Variants in OR2F1 observed in about 807,000 individuals in gnomAD.
OR2F1 encodes olfactory receptor family 2 subfamily F member 1.
For missense variants in OR2F1, 389 were observed against 378.2 expected (o/e 1.03, Z -0.24); for synonymous variants, 146 against 155.3 (o/e 0.94, Z 0.44).
rs768626450 is a variant in OR2F1, at chr7:143,960,337, T to C, written c.367T>C (p.Tyr123His). The C allele has an allele frequency of 3.1e-6, 5 of 1,614,142 alleles. No homozygotes were observed. The highest frequency in any genetic ancestry group is 2.2e-5 in the East Asian group (1 of 44,870). Residue 123 changes from tyrosine to histidine, a missense_variant, in exon 3 of 3, where the codon TAT becomes CAT. Coordinates refer to ENST00000641412, the MANE Select transcript of OR2F1 (RefSeq NM_012369.3). ...CCTGGCGGTGATGGCCTATGACCGC[T>C]ATGTGGCTGTGTGTGATGCCCTGCG... ...VLLAVMAYDRYVAVCDALRYS... is the reference protein window; with the variant it reads ...VLLAVMAYDRHVAVCDALRYS...
rs767837167 is a variant in OR2F1 at position 143,960,006 on chromosome 7, T to C, written c.36T>C (p.Phe12=). The change falls in exon 3 of 3, where the codon TTT becomes TTC. Residue 12 remains phenylalanine, a synonymous_variant. Transcript: ENST00000641412. The part of the protein sequence containing the change: ...GTDNQTWVSE[F]ILLGLSSDWD... ...ATAACCAGACTTGGGTGAGTGAATT[T>C]ATTCTCCTCGGCCTGTCCAGTGACT... 8 of 1,612,246 alleles carry C rather than the reference T, an allele frequency of 5.0e-6. No individual in the cohort carries two copies. The highest frequency in any genetic ancestry group is 1.3e-5 in the African/African-American group (1 of 74,852).
rs1586838612 is a variant in OR2F1, at chr7:143,960,806, C to A, written c.836C>A (p.Ala279Asp). 9 of 1,614,096 alleles carry A rather than the reference C, an allele frequency of 5.6e-6. No individual in the cohort carries two copies. In the Admixed American group the frequency reaches 1.0e-4, roughly 18 times the overall value. The part of the protein sequence containing the change: ...LQEKLFSVFY[A>D]ILTPMLNPMI... ...GAGAAGTTGTTCTCTGTCTTTTATG[C>A]CATTTTAACACCAATGCTGAACCCC... Residue 279 changes from alanine (A) to aspartate (D), a missense_variant, in exon 3 of 3, where the codon GCC becomes GAC. Ala to Asp is a moderately radical substitution (Grantham distance 126, BLOSUM62 -2). Transcript: ENST00000641412.
rs760156938 is a variant in OR2F1 at position 143,960,562 on chromosome 7, A to G, written c.592A>G (p.Thr198Ala). The change falls in exon 3 of 3, where the codon ACC becomes GCC. Residue 198 changes from threonine (T) to alanine (A), a missense_variant. Physicochemically the swap from Thr to Ala is moderately conservative, Grantham distance 58 (BLOSUM62 0). Coordinates refer to ENST00000641412, the MANE Select transcript of OR2F1 (RefSeq NM_012369.3). ...TGTGGACACCTCCTCCAATGAGGTC[A>G]CCATCATGGTGTCTAGCATTGTTCT... Reference protein sequence around the residue: ...ACVDTSSNEVTIMVSSIVLLM... With the variant: ...ACVDTSSNEVAIMVSSIVLLM... 9.9e-6 allele frequency: 16 copies of G among 1,614,066 alleles called. No homozygotes were observed. The highest frequency in any genetic ancestry group is 1.6e-4 in the Middle Eastern group (1 of 6,080).
rs1477460927 is a variant in OR2F1 at position 143,962,918 on chromosome 7, C to T, written c.*1994C>T. 1 of 152,184 alleles carries T rather than the reference C, an allele frequency of 6.6e-6. No homozygotes were observed. The highest frequency in any genetic ancestry group is 2.4e-5 in the African/African-American group (1 of 41,454). 9.4% of individuals were successfully genotyped at this position (152,184 alleles called of 1,614,324 possible). A position where few individuals can be genotyped will look rare whatever the true frequency, so the allele number is the denominator to read the frequency against. On this transcript the variant is annotated 3_prime_UTR_variant, in exon 3 of 3. Transcript: ENST00000641412. ...AGAGGCAAGATGACCAGCCTGTCTG[C>T]TGGGTCTGCTTCAGTAATACTCTTG...
rs2050348245 is a variant in OR2F1, at chr7:143,963,644, C to T, written c.*2720C>T. The T allele has an allele frequency of 6.5e-6, 1 of 153,066 alleles. No homozygotes were observed. Among genetic ancestry groups the T allele is most frequent in the Non-Finnish European group, 1.5e-5 (1 of 68,122 alleles). The allele number at this position is 153,066 out of a possible 1,614,324, so 9.5% of individuals were successfully genotyped here. ...AAAAGTAGGGAAGCCAACAGTGCAG[C>T]CCTCAGTCTGTGGCCAAAGGCCCGA... On this transcript the variant is annotated 3_prime_UTR_variant, in exon 3 of 3. Transcript: ENST00000641412.
rs2050332350 is a variant in OR2F1, at chr7:143,961,824, A to T, written c.*900A>T. On this transcript the variant is annotated 3_prime_UTR_variant, in exon 3 of 3. Transcript: ENST00000641412. The stretch of plus-strand genomic sequence containing the variant: ...AAAAACTCTTCAGCCAAAGTCAATG[A>T]AGGGTAAGATAATTTAATATGAAGT... The T allele has an allele frequency of 6.6e-6, 1 of 152,254 alleles. No homozygotes were observed. Among genetic ancestry groups the T allele is most frequent in the South Asian group, 2.1e-4 (1 of 4,836 alleles). The allele number at this position is 152,254 out of a possible 1,614,324, so 9.4% of individuals were successfully genotyped here. A position where few individuals can be genotyped will look rare whatever the true frequency, so the allele number is the denominator to read the frequency against.
rs1466029976 is a variant in OR2F1 at position 143,961,140 on chromosome 7, A to G, written c.*216A>G. ...TGGAGTTAGATACTGCTGTTATAAA[A>G]CCTCCCACACTTCTTCCACCTCCAC... On this transcript the variant is annotated 3_prime_UTR_variant, in exon 3 of 3. Transcript: ENST00000641412. The G allele has an allele frequency of 2.0e-6, 1 of 490,748 alleles. No individual in the cohort carries two copies. Among genetic ancestry groups the G allele is most frequent in the Non-Finnish European group, 3.7e-6 (1 of 271,380 alleles). 30.4% of individuals were successfully genotyped at this position (490,748 alleles called of 1,614,324 possible).
Position 143,960,744 on chromosome 7 carries a change from T to C in OR2F1, c.774T>C (p.Thr258=), listed in dbSNP as rs200455682. The part of the protein sequence containing the change: ...VALCYGVAIF[T]YIQPHSSPSV... ...TGTGCTATGGTGTGGCCATTTTCAC[T>C]TACATCCAGCCCCACTCCAGTCCCT... The change falls in exon 3 of 3, where the codon ACT becomes ACC. Residue 258 remains threonine (T), a synonymous_variant. Transcript: ENST00000641412. 1.9e-6 allele frequency: 3 copies of C among 1,614,128 alleles called. No homozygotes were observed. Among genetic ancestry groups the C allele is most frequent in the Non-Finnish European group, 2.5e-6 (3 of 1,180,000 alleles).
intron 1 of OR2F1, among the ~76,000 whole-genome samples, 199 bp downstream of exon 1, chr7:143,955,302 T>C (rs1390937294): frequency 2.6e-5 from 4 of 152,198 alleles, no homozygotes; most frequent in Non-Finnish European, 5.9e-5. Context: ...CTCTGATTTT[T>C]TTCCTGTAAT....
In OR2F1 at chr7:143,960,292, G is replaced by A; in HGVS notation, c.322G>A (p.Gly108Ser). 2 of 1,614,116 alleles carry A rather than the reference G, an allele frequency of 1.2e-6. No homozygotes were observed. Among genetic ancestry groups the A allele is most frequent in the Non-Finnish European group, 1.7e-6 (2 of 1,180,038 alleles). ...AAQLFFSLAL[G>S]GIEFVLLAVM... is the part of the protein sequence containing the mutation. ...CCAGTTATTTTTCTCCCTGGCCTTG[G>A]GTGGGATTGAGTTTGTTCTCCTGGC... Residue 108 changes from glycine to serine, a missense_variant, in exon 3 of 3, where the codon GGT (glycine) becomes AGT (serine). By Grantham distance (56) the Gly-to-Ser change is moderately conservative. Transcript: ENST00000641412.
rs1012981719 is a variant in OR2F1 at position 143,960,611 on chromosome 7, T to C, written c.641T>C (p.Val214Ala). The C allele has an allele frequency of 1.9e-6, 3 of 1,614,170 alleles. No homozygotes were observed. In the African/African-American group the frequency reaches 4.0e-5, roughly 22 times the overall value. ...CTTCTGATGACACCCTTCTGCCTGGTTCTTTTGTCCTACATCCAGATCATC... is the reference window on the plus strand; with the variant it reads ...CTTCTGATGACACCCTTCTGCCTGGCTCTTTTGTCCTACATCCAGATCATC... Reference protein sequence around the residue: ...IVLLMTPFCLVLLSYIQIIST... With the variant: ...IVLLMTPFCLALLSYIQIIST... The change falls in exon 3 of 3, where the codon GTT becomes GCT. Residue 214 changes from valine to alanine, a missense_variant. Val to Ala is a moderately conservative substitution (Grantham distance 64). Transcript: ENST00000641412.
chr7:143,960,290 T>C lies in OR2F1; in HGVS notation c.320T>C (p.Leu107Ser). The C allele has an allele frequency of 3.1e-6, 5 of 1,614,134 alleles. No individual in the cohort carries two copies. In the East Asian group the frequency reaches 6.7e-5, roughly 22 times the overall value. The change falls in exon 3 of 3, where the codon TTG (leucine) becomes TCG (serine). Residue 107 changes from leucine (L) to serine (S), a missense_variant. Leu to Ser is a moderately radical substitution (Grantham distance 145, BLOSUM62 -2). Transcript: ENST00000641412. ...CAAQLFFSLA[L>S]GGIEFVLLAV... ...GCCCAGTTATTTTTCTCCCTGGCCTTGGGTGGGATTGAGTTTGTTCTCCTG... is the reference window on the plus strand; with the variant it reads ...GCCCAGTTATTTTTCTCCCTGGCCTCGGGTGGGATTGAGTTTGTTCTCCTG...
Position 143,960,905 on chromosome 7 carries a change from C to G in OR2F1, c.935C>G (p.Thr312Arg). Reference sequence around the variant, plus strand: ...CTATTATGGAAATTCTCTGGGTTAACATCAAAGCTGGCAACTTGACTCATG... The same window carrying G: ...CTATTATGGAAATTCTCTGGGTTAAGATCAAAGCTGGCAACTTGACTCATG... ...QKLLWKFSGL[T>R]SKLAT The change falls in exon 3 of 3, where the codon ACA becomes AGA. Residue 312 changes from threonine to arginine, a missense_variant. Coordinates refer to ENST00000641412, the MANE Select transcript of OR2F1 (RefSeq NM_012369.3). 1 of 1,608,668 alleles carries G rather than the reference C, an allele frequency of 6.2e-7. No homozygotes were observed. Among genetic ancestry groups the G allele is most frequent in the South Asian group, 1.1e-5 (1 of 90,058 alleles).
At position 143,961,575 on chromosome 7, in the gene OR2F1, G is replaced by C. The variant is rs1586839194; in HGVS notation, c.*651G>C. 1 of 152,286 alleles carries C rather than the reference G, an allele frequency of 6.6e-6. No individual in the cohort carries two copies. Among genetic ancestry groups the C allele is most frequent in the Admixed American group, 6.5e-5 (1 of 15,278 alleles). The allele number at this position is 152,286 out of a possible 1,614,324, so 9.4% of individuals were successfully genotyped here. On this transcript the variant is annotated 3_prime_UTR_variant, in exon 3 of 3. Transcript: ENST00000641412. ...ACAGTCAATGGTTGTTTGTACTGAAGACAATTATTGACCAAGAAAAGTTAA... is the reference window on the plus strand; with the variant it reads ...ACAGTCAATGGTTGTTTGTACTGAACACAATTATTGACCAAGAAAAGTTAA...
At chr7:143,957,179 A>G (rs952492248) in intron 1 of OR2F1, among the ~76,000 whole-genome samples, 4 of 152,208 alleles carry the variant, frequency 2.6e-5, no homozygotes, top group African/African-American at 9.6e-5. Flanking sequence ...GAAAAACTGT[A>G]GAAGTTGAGT....
Position 143,960,629 on chromosome 7 carries a change from A to G in OR2F1, c.659A>G (p.Gln220Arg), listed in dbSNP as rs963120307. ...PFCLVLLSYI[Q>R]IISTILKIQS... ...TGCCTGGTTCTTTTGTCCTACATCC[A>G]GATCATCTCCACCATCCTAAAGATC... Residue 220 changes from glutamine (Q) to arginine (R), a missense_variant, in exon 3 of 3, where the codon CAG becomes CGG. Gln to Arg is a conservative substitution (Grantham distance 43). Coordinates refer to ENST00000641412, the MANE Select transcript of OR2F1 (RefSeq NM_012369.3). The G allele has an allele frequency of 1.5e-5, 24 of 1,613,976 alleles. No homozygotes were observed. The highest frequency in any genetic ancestry group is 2.7e-5 in the African/African-American group (2 of 74,884).
Position 143,960,984 on chromosome 7 carries a change from C to A in OR2F1, c.*60C>A, listed in dbSNP as rs1448932590. 4 of 1,331,818 alleles carry A rather than the reference C, an allele frequency of 3.0e-6. No individual in the cohort carries two copies. Among genetic ancestry groups the A allele is most frequent in the Non-Finnish European group, 4.2e-6 (4 of 954,156 alleles). 82.5% of individuals were successfully genotyped at this position (1,331,818 alleles called of 1,614,324 possible). Reference sequence around the variant, plus strand: ...TCAGTGTTCTCCACCCAGCTGAGATCTGACAGGTGTAAACTACATTGCCCT... The same window carrying A: ...TCAGTGTTCTCCACCCAGCTGAGATATGACAGGTGTAAACTACATTGCCCT... On this transcript the variant is annotated 3_prime_UTR_variant, in exon 3 of 3. Coordinates refer to ENST00000641412, the MANE Select transcript of OR2F1 (RefSeq NM_012369.3).
chr7:143,954,907 C>T lies in OR2F1; in HGVS notation c.-376C>T, dbSNP rs1396364652. On this transcript the variant is annotated 5_prime_UTR_variant, in exon 1 of 3. Coordinates refer to ENST00000641412, the MANE Select transcript of OR2F1 (RefSeq NM_012369.3). ...TTGCTTTACTAAAGAGAGATCTTGA[C>T]TGATTGAAATTTAACTGTTAAATTA... 3.9e-5 allele frequency: 6 copies of T among 152,032 alleles called. No homozygotes were observed. Among genetic ancestry groups the T allele is most frequent in the Non-Finnish European group, 8.8e-5 (6 of 68,004 alleles). The allele number at this position is 152,032 out of a possible 1,614,324, so 9.4% of individuals were successfully genotyped here. A position where few individuals can be genotyped will look rare whatever the true frequency, so the allele number is the denominator to read the frequency against.
intron 1 of OR2F1, among the ~76,000 whole-genome samples, chr7:143,957,887 C>A (rs1484882349): frequency 6.8e-6 from 1 of 146,106 alleles, no homozygotes; most frequent in Non-Finnish European, 1.5e-5. Context: ...GGAAGCAGAA[C>A]AAACACATGT....
Sources: allele counts gnomAD v4.1 joint callset (sites outside exome capture counted in the v4.1 genomes callset), GRCh38; gene constraint gnomAD v4.1.1; transcripts MANE v1.5; gene names NCBI Gene and HGNC (gene_info 2026-07-23, HGNC 2026-07-21).